Variants in HMGA2 observed in about 807,000 individuals in gnomAD.
HMGA2 encodes the protein high mobility group AT-hook 2, also known as high mobility group protein HMGI-C.
HMGA2 carries 8 observed loss-of-function variants against 19.1 expected under a neutral mutation model. The observed-to-expected ratio is 0.42, with a 90% confidence interval of 0.25 to 0.76. The LOEUF is 0.76. Among genes scored for constraint, HMGA2 ranks in the 30% least tolerant of loss-of-function variants. The probability of loss-of-function intolerance (pLI) is 0.28; values close to 1 mark genes in which losing one functional copy is unlikely to be tolerated. For synonymous variants in HMGA2, 60 were observed against 48.8 expected (o/e 1.23, Z -0.96); for missense variants, 109 against 136.3 (o/e 0.80, Z 1.00).
At chr12:65,859,918 T>TA (rs572396261) in intron 3 of HMGA2, 17,782 of 219,078 alleles carry the variant, frequency 0.081, 65 homozygotes, top group East Asian at 0.15. Flanking sequence ...GCCCCATCTC[T>TA]AAAAAAAAAA....
chr12:65,933,358 T>C (rs1349603964), intron 3 of HMGA2, among the ~76,000 whole-genome samples: 3 of 152,182 alleles, frequency 2.0e-5, no homozygotes. Flanking sequence ...AAAAATTACA[T>C]ATACCTGACC....
chr12:65,963,152 G>A lies in HMGA2; in HGVS notation c.283-93G>A, dbSNP rs963474984. 39 of 1,131,346 alleles carry A rather than the reference G, an allele frequency of 3.4e-5. No homozygotes were observed. In the Admixed American group the frequency reaches 5.6e-4, roughly 16 times the overall value. 70.1% of individuals were successfully genotyped at this position (1,131,346 alleles called of 1,614,324 possible). On this transcript the variant is annotated intron_variant, in intron 4 of 4. Transcript: ENST00000403681. ...TCCTCTTTTGAGGCAAGCATAATGTGCTGTGGAAACAGGTTACCTCTGCAC... is the reference window on the plus strand; with the variant it reads ...TCCTCTTTTGAGGCAAGCATAATGTACTGTGGAAACAGGTTACCTCTGCAC...
intron 3 of HMGA2, among the ~76,000 whole-genome samples, chr12:65,855,369 G>T (rs899565049): frequency 1.3e-5 from 2 of 151,506 alleles, no homozygotes; most frequent in African/African-American, 4.9e-5. Flanking sequence ...TAATGTTTAG[G>T]TTCCCCAAAT....
chr12:65,887,088 C>T (rs990590538), intron 3 of HMGA2, among the ~76,000 whole-genome samples: 5 of 152,190 alleles, frequency 3.3e-5, no homozygotes, highest in African/African-American at 4.8e-5. Flanking sequence ...TTAAATGATG[C>T]GTTTTCTATA....
intron 3 of HMGA2, chr12:65,915,380 A>G: frequency 7.6e-7 from 1 of 1,312,148 alleles, no homozygotes; most frequent in South Asian, 1.5e-5. Context: ...CACTCTAGGC[A>G]CATGCAGAGC....
chr12:65,911,000 A>G (rs952168796), intron 3 of HMGA2, among the ~76,000 whole-genome samples: 6 of 152,282 alleles, frequency 3.9e-5, no homozygotes, highest in South Asian at 2.1e-4. Context: ...TTATCCTTTC[A>G]GCACTAGAGC....
chr12:65,913,124 C>T (rs1178657403), intron 3 of HMGA2, among the ~76,000 whole-genome samples: 3 of 152,208 alleles, frequency 2.0e-5, no homozygotes, highest in Non-Finnish European at 4.4e-5. Context: ...TACTTATAAT[C>T]ATGAGTCTCT....
At chr12:65,940,942 C>T (rs1193470495) in intron 3 of HMGA2, among the ~76,000 whole-genome samples, 1 of 152,028 alleles carries the variant, frequency 6.6e-6, no homozygotes, top group African/African-American at 2.4e-5. Flanking sequence ...ATCATATGAT[C>T]GATATCAACA....
chr12:65,939,419 G>T (rs143479940), intron 3 of HMGA2, among the ~76,000 whole-genome samples: 1 of 151,702 alleles, frequency 6.6e-6, no homozygotes, highest in Admixed American at 6.6e-5. Flanking sequence ...ACAGTGGCGT[G>T]ATCTCGGCTC....
At chr12:65,866,678 T>C (rs768471986) in intron 3 of HMGA2, 30 of 380,166 alleles carry the variant, frequency 7.9e-5, no homozygotes, top group Non-Finnish European at 1.5e-4. Flanking sequence ...GAAATAAACA[T>C]TACCTCTTGT....
intron 3 of HMGA2, among the ~76,000 whole-genome samples, chr12:65,883,239 CTT>C (rs1485590391): frequency 6.6e-6 from 1 of 152,226 alleles, no homozygotes. Context: ...GCTATGTGAT[CTT>C]GCCTCCTTAG....
At chr12:65,878,493 C>T (rs993450501) in intron 3 of HMGA2, among the ~76,000 whole-genome samples, 4 of 152,166 alleles carry the variant, frequency 2.6e-5, no homozygotes, top group African/African-American at 2.4e-5. Flanking sequence ...ATCTACCTTG[C>T]TATGAAGTGA....
intron 4 of HMGA2, among the ~76,000 whole-genome samples, chr12:65,961,583 G>A (rs938776271): frequency 1.3e-5 from 2 of 152,172 alleles, no homozygotes; most frequent in African/African-American, 4.8e-5. Context: ...TGATGCTGCC[G>A]TGGTTATATT....
At chr12:65,826,889 A>G (rs1445820162) in intron 1 of HMGA2, 2 of 152,110 alleles carry the variant, frequency 1.3e-5, no homozygotes, top group South Asian at 4.2e-4. Flanking sequence ...TTTGTCTCCG[A>G]TGTGTTTGCT....
At chr12:65,937,898 G>C in intron 3 of HMGA2, among the ~76,000 whole-genome samples, 1 of 152,308 alleles carries the variant, frequency 6.6e-6, no homozygotes, top group Middle Eastern at 3.4e-3. Context: ...ACAGAGAATA[G>C]TAAAATGTGC....
chr12:65,890,517 GTA>G (rs1873856828), intron 3 of HMGA2, among the ~76,000 whole-genome samples: 2 of 151,974 alleles, frequency 1.3e-5, no homozygotes, highest in Admixed American at 1.3e-4. Flanking sequence ...GTTGCCTAAG[GTA>G]TATATCTTTT....
At chr12:65,962,108 G>GTCTGCT (rs1322266211) in intron 4 of HMGA2, among the ~76,000 whole-genome samples, 1 of 152,190 alleles carries the variant, frequency 6.6e-6, no homozygotes, top group African/African-American at 2.4e-5. Flanking sequence ...AAGGGGCTCG[G>GTCTGCT]TCTGCTGCAG....
chr12:65,888,238 T>C (rs554632180), intron 3 of HMGA2, among the ~76,000 whole-genome samples: 48 of 152,092 alleles, frequency 3.2e-4, no homozygotes, highest in Non-Finnish European at 4.0e-4. Flanking sequence ...GGTGGATCAC[T>C]TGAGGTCAGG....
intron 3 of HMGA2, chr12:65,915,302 C>T (rs1875052861): frequency 7.0e-7 from 1 of 1,428,824 alleles, no homozygotes; most frequent in Non-Finnish European, 9.2e-7. Context: ...CAACTGAAGT[C>T]TGCATCCCAA....
Sources: gnomAD v4.1 joint callset for allele counts (sites outside exome capture counted in the v4.1 genomes callset) on GRCh38, gnomAD v4.1.1 for gene constraint, MANE v1.5 for transcripts, NCBI Gene and HGNC (gene_info 2026-07-23, HGNC 2026-07-21) for gene names.